Variants in ADAMTS12 observed in about 807,000 individuals in gnomAD.
ADAMTS12 encodes the protein ADAM metallopeptidase with thrombospondin type 1 motif 12.
Under a neutral mutation model 167.8 loss-of-function variants are expected in ADAMTS12, and 118 were observed. That is an observed-to-expected ratio of 0.70 (90% confidence interval 0.61 to 0.82). ADAMTS12 has a LOEUF of 0.82. ADAMTS12 is among the 40% of genes least tolerant of loss of function. ADAMTS12 has a pLI of 0.00. For missense variants in ADAMTS12, 1,916 were observed against 1,998.8 expected (o/e 0.96, Z 0.79); for synonymous variants, 704 against 716.9 (o/e 0.98, Z 0.29).
At chr5:33,840,713 C>T (rs1241070645) in intron 2 of ADAMTS12, among the ~76,000 whole-genome samples, 1 of 152,202 alleles carries the variant, frequency 6.6e-6, no homozygotes, top group Non-Finnish European at 1.5e-5. Context: ...CTTACTGCAG[C>T]CCTTCTGGCA....
intron 10 of ADAMTS12, among the ~76,000 whole-genome samples, chr5:33,642,812 C>G (rs1410514818): frequency 6.6e-6 from 1 of 152,092 alleles, no homozygotes; most frequent in African/African-American, 2.4e-5. Flanking sequence ...TCCTGCCACA[C>G]TCAAGCTGCA....
chr5:33,656,121 ACCTTAT>A (rs1166757623), intron 7 of ADAMTS12, among the ~76,000 whole-genome samples: 2 of 152,164 alleles, frequency 1.3e-5, no homozygotes, highest in Non-Finnish European at 2.9e-5. Flanking sequence ...GGATAAAGAA[ACCTTAT>A]AGTAGTTTTA....
chr5:33,683,787 T>G, intron 4 of ADAMTS12, 72 bp downstream of exon 4: 1 of 1,241,338 alleles, frequency 8.1e-7, no homozygotes, highest in Non-Finnish European at 1.1e-6. Context: ...AGGCCTTTCT[T>G]ATTTATTTAT....
intron 18 of ADAMTS12, among the ~76,000 whole-genome samples, chr5:33,585,022 A>G (rs1354759974): frequency 6.6e-6 from 1 of 151,104 alleles, no homozygotes; most frequent in African/African-American, 2.4e-5. Flanking sequence ...TATTAAGTAC[A>G]TGGTGGTTAT....
chr5:33,850,389 T>G (rs894295549), intron 2 of ADAMTS12, among the ~76,000 whole-genome samples: 1 of 152,212 alleles, frequency 6.6e-6, no homozygotes, highest in Non-Finnish European at 1.5e-5. Flanking sequence ...GAGTTCTTGG[T>G]GTGGCACTAT....
intron 2 of ADAMTS12, among the ~76,000 whole-genome samples, chr5:33,775,352 G>A (rs191918486): frequency 8.3e-4 from 126 of 152,264 alleles, no homozygotes; most frequent in Non-Finnish European, 1.1e-3. Context: ...TGGAAAAGGT[G>A]GAGAAAGCTC....
At chr5:33,631,389 C>T (rs1421203817) in intron 12 of ADAMTS12, among the ~76,000 whole-genome samples, 1 of 152,164 alleles carries the variant, frequency 6.6e-6, no homozygotes, top group East Asian at 1.9e-4. Context: ...ACTACCACAA[C>T]CTCCATCACC....
At chr5:33,590,898 CT>C (rs60630543) in intron 17 of ADAMTS12, among the ~76,000 whole-genome samples, 55,300 of 137,692 alleles carry the variant, frequency 0.4, 10,977 homozygotes, top group African/African-American at 0.5. Context: ...CTTCTTCTTC[CT>C]TTTTTTTTTT....
chr5:33,854,851 C>T (rs1194443628), intron 2 of ADAMTS12, among the ~76,000 whole-genome samples: 2 of 152,184 alleles, frequency 1.3e-5, no homozygotes, highest in South Asian at 2.1e-4. Flanking sequence ...AGGCAACCCC[C>T]AAAGGTCAGA....
At chr5:33,742,686 T>C (rs1237534368) in intron 3 of ADAMTS12, among the ~76,000 whole-genome samples, 1 of 152,198 alleles carries the variant, frequency 6.6e-6, no homozygotes, top group Middle Eastern at 3.2e-3. Flanking sequence ...CAAAGATGTG[T>C]CTACTGGTGG....
intron 23 of ADAMTS12, among the ~76,000 whole-genome samples, chr5:33,529,190 A>G (rs556093264): frequency 9.2e-5 from 14 of 152,354 alleles, no homozygotes; most frequent in African/African-American, 3.1e-4. Flanking sequence ...TAAGTATACA[A>G]TTAGTCACCT....
intron 22 of ADAMTS12, among the ~76,000 whole-genome samples, chr5:33,540,007 G>A (rs943101079): frequency 3.3e-5 from 5 of 152,188 alleles, no homozygotes; most frequent in African/African-American, 4.8e-5. Flanking sequence ...GCGGGGCGTC[G>A]CTTCACCCGG....
At chr5:33,577,219 AGGTCTATAACAGATCAAAACAGGCCTGAT>A in intron 18 of ADAMTS12, 59 bp from the exon 19 acceptor site, 1 of 1,609,976 alleles carries the variant, frequency 6.2e-7, no homozygotes, top group Non-Finnish European at 8.5e-7. Flanking sequence ...TCTCATGGTT[AGGTCTATAACAGATCAAAACAGGCCTGAT>A]GGAAACTAAA....
chr5:33,868,018 T>C (rs1749888671), intron 2 of ADAMTS12, among the ~76,000 whole-genome samples: 2 of 152,116 alleles, frequency 1.3e-5, no homozygotes, highest in Admixed American at 1.3e-4. Context: ...TTCTCTTTCC[T>C]CCTCTGGCCG....
chr5:33,869,776 C>T (rs1447537995), intron 2 of ADAMTS12, among the ~76,000 whole-genome samples: 1 of 152,182 alleles, frequency 6.6e-6, no homozygotes, highest in African/African-American at 2.4e-5. Flanking sequence ...CACATTGTCA[C>T]TGATAAACAT....
Position 33,649,595 on chromosome 5 carries a change from T to C in ADAMTS12, c.1293A>G (p.Thr431=), listed in dbSNP as rs200346482. ...RQLQYDPTPL[T]WSKCSEEYIT... The stretch of plus-strand genomic sequence containing the variant: ...TGTACTCCTCGCTGCACTTGGACCA[T>C]GTCAGCGGAGTGGGATCGTACTGGA... Residue 431 remains threonine, a synonymous_variant, in exon 8 of 24, where the codon ACA becomes ACG. Transcript: ENST00000504830. The C allele has an allele frequency of 3.7e-6, 6 of 1,613,876 alleles. No individual in the cohort carries two copies. Among genetic ancestry groups the C allele is most frequent in the African/African-American group, 2.7e-5 (2 of 74,916 alleles).
chr5:33,549,364 C>T lies in ADAMTS12; in HGVS notation c.4145G>A (p.Gly1382Glu). The T allele has an allele frequency of 6.2e-7, 1 of 1,613,740 alleles. No homozygotes were observed. Among genetic ancestry groups the T allele is most frequent in the South Asian group, 1.1e-5 (1 of 91,068 alleles). The change falls in exon 21 of 24, where the codon GGG becomes GAG. Residue 1382 changes from glycine to glutamate, a missense_variant. Physicochemically the swap from Gly to Glu is moderately conservative, Grantham distance 98. Coordinates refer to ENST00000504830, the MANE Select transcript of ADAMTS12 (RefSeq NM_030955.4). ...NWSKCSRNCS[G>E]GFKIREIQCV... is the part of the protein sequence containing the mutation. Reference sequence around the variant, plus strand: ...CTGAATCTCGCGTATCTTGAAGCCCCCACTGCAGTTTCTGGAGCACTGTAT... The same window carrying T: ...CTGAATCTCGCGTATCTTGAAGCCCTCACTGCAGTTTCTGGAGCACTGTAT...
At chr5:33,529,136 C>T (rs1351844673) in intron 23 of ADAMTS12, among the ~76,000 whole-genome samples, 1 of 152,176 alleles carries the variant, frequency 6.6e-6, no homozygotes, top group Non-Finnish European at 1.5e-5. Context: ...CAGAACTTTA[C>T]CATGGAGGTG....
intron 3 of ADAMTS12, among the ~76,000 whole-genome samples, chr5:33,740,932 A>T (rs1744550417): frequency 1.3e-5 from 2 of 152,334 alleles, no homozygotes; most frequent in Non-Finnish European, 2.9e-5. Context: ...GACTTCACTT[A>T]TAAAGCGGAC....
Sources: allele counts gnomAD v4.1 joint callset (sites outside exome capture counted in the v4.1 genomes callset), GRCh38; gene constraint gnomAD v4.1.1; transcripts MANE v1.5; gene names NCBI Gene and HGNC (gene_info 2026-07-23, HGNC 2026-07-21).